The following EYA2 variants were observed in gnomAD, a reference collection of about 807,000 sequenced individuals.
The protein encoded by EYA2 is EYA transcriptional coactivator and phosphatase 2, also known as protein phosphatase EYA2.
A neutral mutation model predicts 69.2 loss-of-function variants in EYA2; 31 were observed. The ratio of observed to expected loss-of-function variants is 0.45; its 90% confidence interval spans 0.34 to 0.60. EYA2 has a LOEUF of 0.60. Ranked by LOEUF, EYA2 falls within the 20% of genes least tolerant of loss-of-function variation. EYA2 has a pLI of 0.02. For synonymous variants in EYA2, 257 were observed against 279.4 expected (o/e 0.92, Z 0.80); for missense variants, 622 against 701.2 (o/e 0.89, Z 1.28).
chr20:47,037,376 GAGAAT>G (rs1026660267), intron 5 of EYA2, among the ~76,000 whole-genome samples: 50 of 152,346 alleles, frequency 3.3e-4, no homozygotes, highest in Non-Finnish European at 5.1e-4. Context: ...ATGCAACACT[GAGAAT>G]AGACATGGCG....
chr20:47,093,466 G>A (rs190904201), intron 8 of EYA2, among the ~76,000 whole-genome samples: 9 of 152,308 alleles, frequency 5.9e-5, no homozygotes, highest in East Asian at 3.9e-4. Context: ...CCTTTATCTC[G>A]GCTGTCTGCT....
At chr20:47,146,170 T>C (rs2033696192) in intron 10 of EYA2, among the ~76,000 whole-genome samples, 1 of 152,166 alleles carries the variant, frequency 6.6e-6, no homozygotes, top group African/African-American at 2.4e-5. Flanking sequence ...GTGTTTGGTA[T>C]GCAGTGGAGG....
chr20:46,950,842 T>C (rs941874994), intron 1 of EYA2, among the ~76,000 whole-genome samples: 1 of 151,978 alleles, frequency 6.6e-6, no homozygotes, highest in African/African-American at 2.4e-5. Flanking sequence ...AAGAGGTGAC[T>C]CCAAGAAACA....
chr20:46,976,587 G>A (rs1051142278), intron 1 of EYA2, among the ~76,000 whole-genome samples: 4 of 152,102 alleles, frequency 2.6e-5, no homozygotes, highest in South Asian at 2.1e-4. Context: ...GGGTTTCACC[G>A]TGTTAGCCAG....
intron 9 of EYA2, among the ~76,000 whole-genome samples, chr20:47,115,324 A>G (rs1285118568): frequency 6.6e-6 from 1 of 152,158 alleles, no homozygotes; most frequent in African/African-American, 2.4e-5. Context: ...CTGGCCATAC[A>G]GGTGCCTTTG....
At chr20:47,031,105 A>G (rs1568734436) in intron 5 of EYA2, among the ~76,000 whole-genome samples, 1 of 152,360 alleles carries the variant, frequency 6.6e-6, no homozygotes, top group East Asian at 1.9e-4. Context: ...TGACAAGATG[A>G]TGTCAACTGT....
intron 5 of EYA2, among the ~76,000 whole-genome samples, chr20:47,058,281 A>C (rs1433725142): frequency 1.3e-5 from 2 of 152,246 alleles, no homozygotes; most frequent in Admixed American, 6.5e-5. Flanking sequence ...AAAAATAGCA[A>C]GTGGGATTAT....
intron 10 of EYA2, among the ~76,000 whole-genome samples, chr20:47,158,188 A>G (rs2033994476): frequency 6.6e-6 from 1 of 151,978 alleles, no homozygotes; most frequent in African/African-American, 2.4e-5. Context: ...CTGCAAGCAG[A>G]TAGAATAACC....
chr20:46,927,004 C>T (rs1016730149), intron 1 of EYA2, among the ~76,000 whole-genome samples: 1 of 152,128 alleles, frequency 6.6e-6, no homozygotes. Context: ...AGAGGATGGC[C>T]CAGCAGGCAT....
intron 1 of EYA2, among the ~76,000 whole-genome samples, chr20:46,923,768 T>C (rs139564648): frequency 6.6e-6 from 1 of 152,284 alleles, no homozygotes; most frequent in Non-Finnish European, 1.5e-5. Context: ...CAGATGCATC[T>C]GGGTAAAAGA....
At chr20:47,120,024 T>A (rs915249183) in intron 9 of EYA2, among the ~76,000 whole-genome samples, 10 of 152,084 alleles carry the variant, frequency 6.6e-5, no homozygotes, top group Admixed American at 5.9e-4. Context: ...CTGGCCAACA[T>A]GGTGAAACCC....
intron 5 of EYA2, among the ~76,000 whole-genome samples, chr20:47,031,427 G>A (rs1417802034): frequency 1.3e-5 from 2 of 152,186 alleles, no homozygotes; most frequent in African/African-American, 4.8e-5. Flanking sequence ...GGATGGCAAG[G>A]GCTGCAAGGA....
chr20:46,973,239 A>G (rs539758736), intron 1 of EYA2, among the ~76,000 whole-genome samples: 87 of 152,340 alleles, frequency 5.7e-4, no homozygotes, highest in African/African-American at 1.9e-3. Context: ...TGCATTAACA[A>G]CACCGTGAAC....
chr20:47,149,681 A>G (rs1347340447), intron 10 of EYA2, among the ~76,000 whole-genome samples: 12 of 117,402 alleles, frequency 1.0e-4, no homozygotes, highest in African/African-American at 1.7e-4. Flanking sequence ...CATCTCTACT[A>G]AAAATACAAA....
intron 2 of EYA2, among the ~76,000 whole-genome samples, chr20:46,996,653 C>T (rs6512414): frequency 0.024 from 3,719 of 152,276 alleles, 153 homozygotes; most frequent in African/African-American, 0.083. Context: ...GACAGGGACC[C>T]TGACTGCCTT....
At chr20:46,987,958 CTCTCTCTATATATA>C (rs1204445991) in intron 1 of EYA2, among the ~76,000 whole-genome samples, 2 of 33,784 alleles carry the variant, frequency 5.9e-5, no homozygotes. Flanking sequence ...CTCTCTCTCT[CTCTCTCTATATATA>C]TATATATATA....
rs189686907 is a variant in EYA2, at chr20:47,053,043, C to T, written c.416-19142C>T. Among the ~76,000 whole-genome samples, 6 of 152,320 alleles carry T rather than the reference C, an allele frequency of 3.9e-5. No individual in the cohort carries two copies. The South Asian group carries it at 1.0e-3, about 26-fold the overall frequency. On this transcript the variant is annotated intron_variant, in intron 5 of 15. Coordinates refer to ENST00000327619, the MANE Select transcript of EYA2 (RefSeq NM_005244.5). ...CTGGGTCATCTTCGTCTCCCCAGCC[C>T]TTAACCTATTGCCTGTGGAGGGCAT...
chr20:47,150,975 G>A (rs1053247442), intron 10 of EYA2, among the ~76,000 whole-genome samples: 1 of 152,004 alleles, frequency 6.6e-6, no homozygotes, highest in African/African-American at 2.4e-5. Flanking sequence ...AGTGAATTGG[G>A]TATTGAGGGT....
intron 1 of EYA2, among the ~76,000 whole-genome samples, chr20:46,931,266 C>T (rs1465300110): frequency 3.3e-5 from 5 of 152,168 alleles, no homozygotes; most frequent in South Asian, 2.1e-4. Flanking sequence ...ATGAAGACCC[C>T]GGCCCAGTTA....
Sources: gnomAD v4.1 joint callset for allele counts (sites outside exome capture counted in the v4.1 genomes callset) on GRCh38, gnomAD v4.1.1 for gene constraint, MANE v1.5 for transcripts, NCBI Gene and HGNC (gene_info 2026-07-23, HGNC 2026-07-21) for gene names.